FGD2: variants seen among roughly 807,000 people sequenced by gnomAD.
FGD2 encodes the protein FYVE, RhoGEF and PH domain containing 2, also known as FYVE, RhoGEF and PH domain-containing protein 2.
In FGD2, 52 loss-of-function variants were observed where a neutral mutation model predicts 75.9. The observed-to-expected ratio is 0.69, with a 90% confidence interval of 0.55 to 0.86. FGD2 has a LOEUF of 0.86. Among genes scored for constraint, FGD2 ranks in the 40% least tolerant of loss-of-function variants. The pLI, the probability that FGD2 is intolerant of heterozygous loss-of-function variation, is 0.00. For missense variants in FGD2, 790 were observed against 872.0 expected, an observed-to-expected ratio of 0.91 and a Z score of 1.18; for synonymous variants, 347 against 348.6, an observed-to-expected ratio of 1.00 and a Z score of 0.05.
chr6:37,025,523 G>A lies in FGD2; in HGVS notation c.1459-269G>A, dbSNP rs1028528859. On this transcript the variant is annotated intron_variant, in intron 13 of 15. Coordinates refer to ENST00000274963, the MANE Select transcript of FGD2 (RefSeq NM_173558.4). Reference sequence around the variant, plus strand: ...ACTCGGAGGGAACCTGGAGGGGAGAGAAGTTACGGCCCTCGCGGTGGGGGC... The same window carrying A: ...ACTCGGAGGGAACCTGGAGGGGAGAAAAGTTACGGCCCTCGCGGTGGGGGC... The A allele has an allele frequency of 6.1e-6, 3 of 487,892 alleles. No individual in the cohort carries two copies. In the South Asian group the frequency reaches 7.7e-5, roughly 13 times the overall value. The allele number at this position is 487,892 out of a possible 1,614,324, so 30.2% of individuals were successfully genotyped here.
chr6:37,021,472 C>T (rs748178688), intron 11 of FGD2, 40 bp from the exon 12 acceptor site: 4 of 1,565,730 alleles, frequency 2.6e-6, no homozygotes, highest in Non-Finnish European at 2.6e-6. Context: ...CCCTCCCTTC[C>T]ACACCTCAAG....
rs564263538 is a variant in FGD2 at position 37,028,793 on chromosome 6, G to C, written c.*630G>C. On this transcript the variant is annotated 3_prime_UTR_variant, in exon 16 of 16. Coordinates refer to ENST00000274963, the MANE Select transcript of FGD2 (RefSeq NM_173558.4). ...CAAGCTAATTTTTTTATTTTTTGTA[G>C]AGATGGGATTTCACCATGTTACTCA... is the stretch of plus-strand genomic sequence containing the variant. The C allele has an allele frequency of 2.0e-5, 3 of 151,664 alleles. No individual in the cohort carries two copies. The highest frequency in any genetic ancestry group is 4.2e-4 in the South Asian group (2 of 4,816). The allele number at this position is 151,664 out of a possible 1,614,324, so 9.4% of individuals were successfully genotyped here. A position where few individuals can be genotyped will look rare whatever the true frequency, so the allele number is the denominator to read the frequency against.
At position 37,022,320 on chromosome 6, in the gene FGD2, C is replaced by T; in HGVS notation, c.1408C>T (p.Pro470Ser). The T allele has an allele frequency of 6.3e-7, 1 of 1,589,466 alleles. No homozygotes were observed. Among genetic ancestry groups the T allele is most frequent in the Non-Finnish European group, 8.5e-7 (1 of 1,170,042 alleles). ...MVTMCMRCQE[P>S]FNALTRRRHH... ...GACCATGTGCATGCGCTGCCAGGAGCCCTTCAACGCTCTGACGCGCCGTCG... is the reference window on the plus strand; with the variant it reads ...GACCATGTGCATGCGCTGCCAGGAGTCCTTCAACGCTCTGACGCGCCGTCG... Residue 470 changes from proline to serine, a missense_variant, in exon 13 of 16, where the codon CCC becomes TCC. Pro to Ser is a moderately conservative substitution (Grantham distance 74, BLOSUM62 -1). Coordinates refer to ENST00000274963, the MANE Select transcript of FGD2 (RefSeq NM_173558.4).
At position 37,015,789 on chromosome 6, in the gene FGD2, T is replaced by A. The variant is rs1443185180; in HGVS notation, c.1051T>A (p.Cys351Ser). The A allele has an allele frequency of 1.3e-6, 2 of 1,594,984 alleles. No individual in the cohort carries two copies. Among genetic ancestry groups the A allele is most frequent in the Non-Finnish European group, 1.7e-6 (2 of 1,171,624 alleles). ...LFLFNNMLLYCVPRVIQVGAQ... is the reference protein window; with the variant it reads ...LFLFNNMLLYSVPRVIQVGAQ... ...GCAGTTCAACAACATGCTGCTCTAC[T>A]GTGTGCCCAGGGTGATCCAGGTGGG... The change falls in exon 9 of 16, where the codon TGT (cysteine) becomes AGT (serine). Residue 351 changes from cysteine (C) to serine (S), a missense_variant. By Grantham distance (112) the Cys-to-Ser change is moderately radical. Transcript: ENST00000274963.
chr6:37,013,357 G>A, intron 4 of FGD2: 1 of 1,002,218 alleles, frequency 1.0e-6, no homozygotes, highest in African/African-American at 1.6e-5. Context: ...AACACCTGCT[G>A]TGGGCCCAAC....
intron 15 of FGD2, 85 bp from the exon 16 acceptor site, chr6:37,027,863 G>T: frequency 6.9e-7 from 1 of 1,448,556 alleles, no homozygotes; most frequent in Non-Finnish European, 9.5e-7. Context: ...TGAGCTGTGC[G>T]TGCGTGGCTG....
In FGD2 at chr6:37,022,306, T is replaced by C. The variant is rs879141285; in HGVS notation, c.1394T>C (p.Met465Thr). 6.3e-7 allele frequency: 1 copy of C among 1,589,386 alleles called. No individual in the cohort carries two copies. The change falls in exon 13 of 16, where the codon ATG becomes ACG. Residue 465 changes from methionine (M) to threonine (T), a missense_variant. Physicochemically the swap from Met to Thr is moderately conservative, Grantham distance 81. Coordinates refer to ENST00000274963, the MANE Select transcript of FGD2 (RefSeq NM_173558.4). ...WVRDKMVTMC[M>T]RCQEPFNALT... ...CGGGACAAGATGGTGACCATGTGCA[T>C]GCGCTGCCAGGAGCCCTTCAACGCT...
intron 8 of FGD2, among the ~76,000 whole-genome samples, chr6:37,015,269 A>G (rs831493): frequency 0.01 from 1,535 of 152,344 alleles, 31 homozygotes; most frequent in African/African-American, 0.034. Context: ...CTAGGAAGCA[A>G]CAGAGTCAGA....
chr6:37,011,914 G>A lies in FGD2; in HGVS notation c.527+60G>A, dbSNP rs1765029348. 4.4e-6 allele frequency: 7 copies of A among 1,575,136 alleles called. No homozygotes were observed. The South Asian group carries it at 8.2e-5, about 18-fold the overall frequency. ...CACAGCCCTGGCCAGGTGGAGGTGGGGAGACCCCAGGGCGCTAGGTTCAGC... is the reference window on the plus strand; with the variant it reads ...CACAGCCCTGGCCAGGTGGAGGTGGAGAGACCCCAGGGCGCTAGGTTCAGC... On this transcript the variant is annotated intron_variant, in intron 4 of 15. Coordinates refer to ENST00000274963, the MANE Select transcript of FGD2 (RefSeq NM_173558.4).
At chr6:37,018,422 G>A (rs1765407700) in intron 9 of FGD2, among the ~76,000 whole-genome samples, 1 of 152,204 alleles carries the variant, frequency 6.6e-6, no homozygotes, top group Non-Finnish European at 1.5e-5. Context: ...CATTTTCTGA[G>A]TCTGTGATTT....
At chr6:37,011,634 C>T in intron 3 of FGD2, 72 bp from the exon 4 acceptor site, 3 of 1,599,980 alleles carry the variant, frequency 1.9e-6, no homozygotes, top group Admixed American at 1.7e-5. Flanking sequence ...TTGGTGGGAC[C>T]CTAGTTCCCC....
intron 9 of FGD2, among the ~76,000 whole-genome samples, chr6:37,019,551 C>T (rs1359386761): frequency 6.6e-6 from 1 of 152,242 alleles, no homozygotes; most frequent in East Asian, 1.9e-4. Context: ...TTGCCCCACA[C>T]AGAAGCTCTT....
At chr6:37,017,543 T>C (rs1411101339) in intron 9 of FGD2, among the ~76,000 whole-genome samples, 2 of 152,214 alleles carry the variant, frequency 1.3e-5, no homozygotes, top group African/African-American at 4.8e-5. Flanking sequence ...TTCAAGACTA[T>C]GGTGGAATTT....
intron 11 of FGD2, 148 bp downstream of exon 11, chr6:37,020,887 C>CTTGTGTGT: frequency 1.4e-6 from 1 of 697,310 alleles, no homozygotes; most frequent in South Asian, 1.9e-5. Context: ...TGTATGTATG[C>CTTGTGTGT]ATGTGTGTGT....
chr6:37,013,867 C>G, intron 5 of FGD2, 95 bp from the exon 6 acceptor site: 1 of 1,584,006 alleles, frequency 6.3e-7, no homozygotes, highest in Non-Finnish European at 8.6e-7. Context: ...CAGCTGCTTC[C>G]ATAGGCCCCT....
Position 37,013,761 on chromosome 6 carries a change from T to C in FGD2, c.680T>C (p.Ile227Thr), listed in dbSNP as rs1664499835. 6.2e-7 allele frequency: 1 copy of C among 1,613,920 alleles called. No homozygotes were observed. Among genetic ancestry groups the C allele is most frequent in the Non-Finnish European group, 8.5e-7 (1 of 1,179,890 alleles). Residue 227 changes from isoleucine (I) to threonine (T), a missense_variant, in exon 5 of 16, where the codon ATC becomes ACC. Physicochemically the swap from Ile to Thr is moderately conservative, Grantham distance 89 (BLOSUM62 -1). Transcript: ENST00000274963. ...CTCTTCCAGGAGGTTCTCACTCGCATCCAGGTGAGGCTGGGGGAGGGCTGG... is the reference window on the plus strand; with the variant it reads ...CTCTTCCAGGAGGTTCTCACTCGCACCCAGGTGAGGCTGGGGGAGGGCTGG... ...SPLFQEVLTR[I>T]QSSEASGSLT...
chr6:37,027,756 G>A lies in FGD2; in HGVS notation c.1752+181G>A, dbSNP rs1765895785. The A allele has an allele frequency of 2.9e-6, 3 of 1,026,750 alleles. No individual in the cohort carries two copies. The Admixed American group carries it at 8.0e-5, about 28-fold the overall frequency. The allele number at this position is 1,026,750 out of a possible 1,614,324, so 63.6% of individuals were successfully genotyped here. ...GTTTCAGAATTGTGCCCTGACTCTA[G>A]GTCACCACTGCTTTGCCCTCAGAGG... On this transcript the variant is annotated intron_variant, in intron 15 of 15. Transcript: ENST00000274963.
chr6:37,010,585 C>T (rs143035027), intron 2 of FGD2, among the ~76,000 whole-genome samples: 2 of 152,278 alleles, frequency 1.3e-5, no homozygotes, highest in African/African-American at 4.8e-5. Flanking sequence ...GCAGGGACAG[C>T]CGGAAGACTG....
chr6:37,024,740 T>G (rs1765738606), intron 13 of FGD2: 4 of 152,250 alleles, frequency 2.6e-5, no homozygotes, highest in Admixed American at 2.6e-4. Flanking sequence ...TGTGGGGCTG[T>G]GCCCTGACCG....
Sources: allele counts gnomAD v4.1 joint callset (sites outside exome capture counted in the v4.1 genomes callset), GRCh38; gene constraint gnomAD v4.1.1; transcripts MANE v1.5; gene names NCBI Gene and HGNC (gene_info 2026-07-23, HGNC 2026-07-21).